PDE4D: variants seen among roughly 807,000 people sequenced by gnomAD.
PDE4D encodes 3',5'-cyclic-AMP phosphodiesterase 4D.
In PDE4D, 24 loss-of-function variants were observed where a neutral mutation model predicts 87.4. The ratio of observed to expected loss-of-function variants is 0.27; its 90% CI spans 0.20 to 0.39. PDE4D has a LOEUF of 0.39. PDE4D is among the 10% of genes least tolerant of loss of function. PDE4D has a pLI of 1.00. For synonymous variants in PDE4D, 384 were observed against 383.2 expected, an observed-to-expected ratio of 1.00 and a Z score of -0.02; for missense variants, 714 against 1,041.0, an observed-to-expected ratio of 0.69 and a Z score of 4.32.
At chr5:59,781,960 A>G (rs1172470033) in intron 1 of PDE4D, among the ~76,000 whole-genome samples, 3 of 152,160 alleles carry the variant, frequency 2.0e-5, no homozygotes, top group African/African-American at 7.2e-5. Flanking sequence ...TCCATCATAC[A>G]GATGCAATAA....
chr5:59,126,856 A>G (rs1775477991), intron 5 of PDE4D, among the ~76,000 whole-genome samples: 1 of 152,192 alleles, frequency 6.6e-6, no homozygotes, highest in African/African-American at 2.4e-5. Context: ...TATACAGCTG[A>G]TATCATCAGT....
chr5:59,506,676 GA>G (rs909154962), intron 1 of PDE4D, among the ~76,000 whole-genome samples: 11 of 151,000 alleles, frequency 7.3e-5, no homozygotes, highest in African/African-American at 1.5e-4. Context: ...CAAAAGTCCA[GA>G]AAAAAAAATT....
At chr5:59,941,272 C>T (rs73761064) in intron 3 of PDE4D, among the ~76,000 whole-genome samples, 3,759 of 152,306 alleles carry the variant, frequency 0.025, 142 homozygotes, top group African/African-American at 0.085. Flanking sequence ...TTTCCTTAAC[C>T]ACATTCAGCT....
rs528840158 is a variant in PDE4D at position 59,082,531 on chromosome 5, GT to G, written c.809-43561del. On this transcript the variant is annotated intron_variant, in intron 5 of 14. Transcript: ENST00000340635. ...ATTATAAAGCATGTATCCACAACAG[GT>G]TTTTTTCTATATACCAGTTAGAAAA... is the stretch of plus-strand genomic sequence containing the variant. Among the ~76,000 whole-genome samples the G allele has an allele frequency of 1.8e-4, 28 of 151,924 alleles. 1 individual carries two copies. The South Asian group carries it at 5.4e-3, about 29-fold the overall frequency.
intron 1 of PDE4D, among the ~76,000 whole-genome samples, chr5:59,382,383 C>T (rs1324525348): frequency 2.0e-5 from 3 of 151,982 alleles, no homozygotes; most frequent in Admixed American, 2.0e-4. Context: ...TACCTCTATT[C>T]CACAAGCAAA....
exon 3 of PDE4D, chr5:59,988,639 G>A (rs1304188564): frequency 3.8e-6 from 6 of 1,599,228 alleles, no homozygotes; most frequent in Non-Finnish European, 5.1e-6. Flanking sequence ...CGACATGAAA[G>A]TCTCCGGACA....
intron 1 of PDE4D, among the ~76,000 whole-genome samples, chr5:59,466,922 G>A (rs921548066): frequency 4.6e-5 from 7 of 152,116 alleles, no homozygotes; most frequent in East Asian, 1.9e-4. Context: ...AAATTTGTAC[G>A]TTGAAGTCCT....
At chr5:59,941,490 T>C (rs930052276) in intron 3 of PDE4D, among the ~76,000 whole-genome samples, 1 of 152,226 alleles carries the variant, frequency 6.6e-6, no homozygotes, top group Non-Finnish European at 1.5e-5. Context: ...CTCCTCCCAA[T>C]TGCCTTTCAC....
At chr5:60,384,195 T>C (rs954227131) in intron 1 of PDE4D, among the ~76,000 whole-genome samples, 3 of 152,074 alleles carry the variant, frequency 2.0e-5, no homozygotes, top group African/African-American at 4.8e-5. Context: ...CCTAATTAGG[T>C]GAACAAACTT....
At chr5:60,425,819 A>G (rs1272297346) in intron 1 of PDE4D, among the ~76,000 whole-genome samples, 2 of 152,240 alleles carry the variant, frequency 1.3e-5, no homozygotes, top group Non-Finnish European at 2.9e-5. Context: ...TCTACAAAGA[A>G]CTTAAACAAG....
chr5:60,221,605 C>T (rs112046318), intron 1 of PDE4D, among the ~76,000 whole-genome samples: 1,569 of 152,172 alleles, frequency 0.01, 27 homozygotes, highest in African/African-American at 0.036. Flanking sequence ...TACCCACTCC[C>T]AGTAAATCTG....
At chr5:60,457,727 T>C (rs1746582685) in intron 1 of PDE4D, among the ~76,000 whole-genome samples, 1 of 152,178 alleles carries the variant, frequency 6.6e-6, no homozygotes, top group Non-Finnish European at 1.5e-5. Context: ...TAGTGCTTAG[T>C]AGCTGTGAGG....
At chr5:59,404,007 G>T (rs559306877) in intron 1 of PDE4D, among the ~76,000 whole-genome samples, 1 of 152,332 alleles carries the variant, frequency 6.6e-6, no homozygotes, top group Non-Finnish European at 1.5e-5. Flanking sequence ...TAACTGGGGT[G>T]AGATAATATT....
In PDE4D at chr5:60,091,939, T is replaced by C. The variant is rs562106440; in HGVS notation, c.42+93618A>G. On this transcript the variant is annotated intron_variant, in intron 2 of 16. Transcript: ENST00000502484. ...GGTGGCGCGTGCCTGTAGTCCCAGCTACTCGGGAGGCTGAGGCAGGAGAAT... is the reference window on the plus strand; with the variant it reads ...GGTGGCGCGTGCCTGTAGTCCCAGCCACTCGGGAGGCTGAGGCAGGAGAAT... Among the ~76,000 whole-genome samples, 491 of 149,762 alleles carry C rather than the reference T, an allele frequency of 3.3e-3. 1 individual carries two copies. Among genetic ancestry groups the C allele is most frequent in the African/African-American group, 0.011 (458 of 40,612 alleles).
At chr5:59,164,725 C>T (rs773838805) in intron 5 of PDE4D, among the ~76,000 whole-genome samples, 6 of 151,956 alleles carry the variant, frequency 3.9e-5, no homozygotes, top group Non-Finnish European at 7.3e-5. Flanking sequence ...TAATGCCTTC[C>T]TTCTGTTGGA....
At chr5:60,247,227 C>G (rs1747887109) in intron 1 of PDE4D, among the ~76,000 whole-genome samples, 1 of 151,956 alleles carries the variant, frequency 6.6e-6, no homozygotes, top group East Asian at 1.9e-4. Flanking sequence ...GTCCCAAAGG[C>G]AGCCACAGTA....
At position 59,189,244 on chromosome 5, in the gene PDE4D, G is replaced by GT. The variant is rs1392753870; in HGVS notation, c.685-3983dup. 3.3e-3 allele frequency among the ~76,000 whole-genome samples: 299 copies of GT among 91,332 alleles called. 2 individuals carry two copies. The highest frequency in any genetic ancestry group is 0.017 in the East Asian group (67 of 3,952). The allele number at this position is 91,332 out of a possible 152,430, so 59.9% of individuals were successfully genotyped here. On this transcript the variant is annotated intron_variant, in intron 3 of 14. Transcript: ENST00000340635. ...TTGTTCCTACCCCGTTTTTTTTTTT[G>GT]TTTTTTTTGTTTTTTTTTTTTTGAG... is the stretch of plus-strand genomic sequence containing the variant.
At chr5:60,386,517 G>C (rs1412210551) in intron 1 of PDE4D, among the ~76,000 whole-genome samples, 4 of 152,154 alleles carry the variant, frequency 2.6e-5, no homozygotes, top group African/African-American at 9.7e-5. Context: ...GCCCTCCTAA[G>C]ACTCTTTGCA....
chr5:59,068,429 G>A (rs527967742), intron 5 of PDE4D, among the ~76,000 whole-genome samples: 1 of 152,068 alleles, frequency 6.6e-6, no homozygotes, highest in South Asian at 2.1e-4. Flanking sequence ...AATGTATATT[G>A]AGCAATTCCT....
Sources: gnomAD v4.1 joint callset for allele counts (sites outside exome capture counted in the v4.1 genomes callset) on GRCh38, gnomAD v4.1.1 for gene constraint, MANE v1.5 for transcripts, NCBI Gene and HGNC (gene_info 2026-07-23, HGNC 2026-07-21) for gene names.